DCLRE1C: variants seen among roughly 807,000 people sequenced by gnomAD.
DCLRE1C encodes the protein DNA cross-link repair 1C.
DCLRE1C carries 47 observed loss-of-function variants against 61.4 expected under a neutral mutation model. The observed-to-expected ratio is 0.77, with a 90% CI of 0.61 to 0.98. DCLRE1C has a LOEUF of 0.98. Among genes scored for constraint, DCLRE1C ranks in the 50% least tolerant of loss-of-function variants. The probability of loss-of-function intolerance (pLI) is 0.00; values close to 1 mark genes in which losing one functional copy is unlikely to be tolerated. For synonymous variants in DCLRE1C, 337 were observed against 287.6 expected (o/e 1.17, Z -1.74); for missense variants, 858 against 816.0 (o/e 1.05, Z -0.63).
chr10:14,899,536 T>C (rs1338758509), intron 13 of DCLRE1C: 4 of 1,613,606 alleles, frequency 2.5e-6, no homozygotes, highest in Admixed American at 1.7e-5. Context: ...TTTTTCTGTT[T>C]AGGTAATCAC....
At chr10:14,918,912 TTGC>T (rs1836646545) in intron 13 of DCLRE1C, among the ~76,000 whole-genome samples, 1 of 152,216 alleles carries the variant, frequency 6.6e-6, no homozygotes, top group African/African-American at 2.4e-5. Flanking sequence ...CACTTACTTC[TTGC>T]TAGTCCTTAG....
At chr10:14,954,299 G>A, upstream of DCLRE1C, 1 of 527,456 alleles carries the variant, frequency 1.9e-6, no homozygotes, top group South Asian at 2.0e-5. Flanking sequence ...CACAGGTGTT[G>A]CTCTGGTAAG....
At chr10:14,916,900 T>C (rs775187318) in intron 13 of DCLRE1C, among the ~76,000 whole-genome samples, 29 of 152,142 alleles carry the variant, frequency 1.9e-4, no homozygotes, top group Non-Finnish European at 3.5e-4. Flanking sequence ...TTTGTACAAA[T>C]TGGCGTATGA....
At chr10:14,946,501 T>C (rs907227853) in intron 2 of DCLRE1C, among the ~76,000 whole-genome samples, 1 of 152,170 alleles carries the variant, frequency 6.6e-6, no homozygotes, top group Non-Finnish European at 1.5e-5. Context: ...GGCAGTTTTC[T>C]GTAATTACCT....
At chr10:14,947,903 AC>A (rs1841925705) in intron 2 of DCLRE1C, among the ~76,000 whole-genome samples, 1 of 152,134 alleles carries the variant, frequency 6.6e-6, no homozygotes, top group South Asian at 2.1e-4. Context: ...TACCGAAAAT[AC>A]AAAAAGTAGC....
At position 14,934,754 on chromosome 10, in the gene DCLRE1C, T is replaced by G; in HGVS notation, c.486A>C (p.Val162=). 6.2e-7 allele frequency: 1 copy of G among 1,613,186 alleles called. No individual in the cohort carries two copies. The highest frequency in any genetic ancestry group is 8.5e-7 in the Non-Finnish European group (1 of 1,179,100). ...SGGRVKDIQS[V]YLDTTFCDPR... ...GATCACAGAACGTAGTATCCAAATA[T>G]ACACTTTGGATGTCTTTGACTCTGA... is the stretch of plus-strand genomic sequence containing the variant. Residue 162 remains valine (V), a synonymous_variant, in exon 7 of 14, where the codon GTA becomes GTC. Coordinates refer to ENST00000378278, the MANE Select transcript of DCLRE1C (RefSeq NM_001033855.3).
chr10:14,903,417 G>A (rs1834151986), downstream of DCLRE1C: 1 of 152,206 alleles, frequency 6.6e-6, no homozygotes, highest in African/African-American at 2.4e-5. Flanking sequence ...ATACTGTAAT[G>A]TACATTAACA....
chr10:14,941,164 C>T (rs1207858729), intron 3 of DCLRE1C, among the ~76,000 whole-genome samples: 1 of 152,268 alleles, frequency 6.6e-6, no homozygotes, highest in Admixed American at 6.5e-5. Context: ...AGGTGTGAGC[C>T]ACTGAGCTAG....
rs551044307 is a variant in DCLRE1C, at chr10:14,929,281, G to C, written c.781-1129C>G. Among the ~76,000 whole-genome samples, 155 of 152,186 alleles carry C rather than the reference G, an allele frequency of 1.0e-3. 1 individual carries two copies. The South Asian group carries it at 0.021, about 20-fold the overall frequency. On this transcript the variant is annotated intron_variant, in intron 9 of 13. Transcript: ENST00000378278. ...TAGCCAGGCATGGTGGCGCATGCCT[G>C]TAATCCCAGCTACTTGGGAGGCTGA...
chr10:14,946,400 C>A (rs1287275463), intron 2 of DCLRE1C, among the ~76,000 whole-genome samples: 1 of 152,152 alleles, frequency 6.6e-6, no homozygotes, highest in East Asian at 1.9e-4. Flanking sequence ...CACACAATGA[C>A]ATACACCATC....
chr10:14,954,221 C>T (rs1174814259), upstream of DCLRE1C: 2 of 738,008 alleles, frequency 2.7e-6, no homozygotes, highest in Non-Finnish European at 2.2e-6. Context: ...GTTTAAATCA[C>T]CCGCGCTTCG....
chr10:14,897,732 ATAT>A (rs1833685831), exon 14 of DCLRE1C: 3 of 343,690 alleles, frequency 8.7e-6, no homozygotes, highest in Non-Finnish European at 1.5e-5. Flanking sequence ...AAACAAATTG[ATAT>A]AGTCATCTTT....
intron 4 of DCLRE1C, among the ~76,000 whole-genome samples, chr10:14,939,313 A>G (rs965317288): frequency 2.0e-5 from 3 of 151,970 alleles, no homozygotes; most frequent in African/African-American, 7.3e-5. Flanking sequence ...TCGTGGTGGC[A>G]GGCGCCTGTA....
chr10:14,909,413 G>C, intron 13 of DCLRE1C, 83 bp from the exon 14 acceptor site: 3 of 1,249,306 alleles, frequency 2.4e-6, no homozygotes, highest in Non-Finnish European at 3.4e-6. Flanking sequence ...TTAATTCTTG[G>C]AATTGCAAAG....
chr10:14,938,583 G>C (rs1840359186), intron 4 of DCLRE1C, among the ~76,000 whole-genome samples: 1 of 151,952 alleles, frequency 6.6e-6, no homozygotes, highest in South Asian at 2.1e-4. Flanking sequence ...CCTACCAGCT[G>C]TAAAGGTTAA....
chr10:14,916,937 G>A (rs563723181), intron 13 of DCLRE1C, among the ~76,000 whole-genome samples: 6 of 152,278 alleles, frequency 3.9e-5, no homozygotes, highest in Middle Eastern at 3.4e-3. Flanking sequence ...GAAATGCAGA[G>A]GACCTAGGAT....
intron 12 of DCLRE1C, 76 bp from the exon 13 acceptor site, chr10:14,919,908 A>C (rs980242951): frequency 1.6e-6 from 2 of 1,235,174 alleles, no homozygotes; most frequent in African/African-American, 1.5e-5. Flanking sequence ...TAGTATTACA[A>C]ATTTTTTTGA....
At chr10:14,927,485 A>G (rs1308848633) in intron 10 of DCLRE1C, among the ~76,000 whole-genome samples, 1 of 149,084 alleles carries the variant, frequency 6.7e-6, no homozygotes, top group African/African-American at 2.5e-5. Flanking sequence ...TAAGATCATT[A>G]TAGTCACTCC....
chr10:14,914,870 G>A (rs1835902395), intron 13 of DCLRE1C, among the ~76,000 whole-genome samples: 1 of 151,980 alleles, frequency 6.6e-6, no homozygotes, highest in African/African-American at 2.4e-5. Context: ...AACCTGGGAG[G>A]CAGAGGTTGC....
Sources: gnomAD v4.1 joint callset for allele counts (sites outside exome capture counted in the v4.1 genomes callset) on GRCh38, gnomAD v4.1.1 for gene constraint, MANE v1.5 for transcripts, NCBI Gene and HGNC (gene_info 2026-07-23, HGNC 2026-07-21) for gene names.